ACOT2: variants seen among roughly 807,000 people sequenced by gnomAD.
ACOT2 encodes acyl-CoA thioesterase 2.
A neutral mutation model predicts 20.1 loss-of-function variants in ACOT2; 15 were observed. That is an observed-to-expected ratio of 0.75 (90% CI 0.50 to 1.15). The LOEUF (loss-of-function observed/expected upper bound fraction) is 1.15. Among genes scored for constraint, ACOT2 ranks in the 50% most tolerant of loss-of-function variants. ACOT2 has a pLI of 0.00. For missense variants in ACOT2, 479 were observed against 615.3 expected, an observed-to-expected ratio of 0.78 and a Z score of 2.34; for synonymous variants, 252 against 268.4, an observed-to-expected ratio of 0.94 and a Z score of 0.60.
In ACOT2 at chr14:73,569,543, C is replaced by G. The variant is rs745305997; in HGVS notation, c.303C>G (p.Arg101=). 6.2e-7 allele frequency: 1 copy of G among 1,605,028 alleles called. No homozygotes were observed. Among genetic ancestry groups the G allele is most frequent in the Non-Finnish European group, 8.5e-7 (1 of 1,176,470 alleles). ...EQPVTLRASL[R]DEKGALFQAH... ...CGGTCACGCTGCGCGCGTCCCTGCG[C>G]GACGAGAAGGGCGCGCTTTTCCAGG... The change falls in exon 1 of 3, where the codon CGC becomes CGG. Residue 101 remains arginine (R), a synonymous_variant. Coordinates refer to ENST00000238651, the MANE Select transcript of ACOT2 (RefSeq NM_006821.6).
rs1433985776 is a variant in ACOT2 at position 73,569,442 on chromosome 14, A to G, written c.202A>G (p.Ile68Val). ...RVPARMAATL[I>V]LEPAGRCCWD... ...TCCTGCTCGGATGGCGGCGACGCTG[A>G]TCCTGGAGCCTGCGGGCCGCTGCTG... The change falls in exon 1 of 3, where the codon ATC (isoleucine) becomes GTC (valine). Residue 68 changes from isoleucine to valine, a missense_variant. Around this residue, in one of 4 missense-constraint regions of ACOT2, gnomAD observed 400 missense variants for 395.5 expected, o/e 1.01. Transcript: ENST00000238651. 3 of 1,613,762 alleles carry G rather than the reference A, an allele frequency of 1.9e-6. No individual in the cohort carries two copies. The African/African-American group carries it at 4.0e-5, about 22-fold the overall frequency.
At chr14:73,572,566 C>T (rs1284348788) in intron 1 of ACOT2, among the ~76,000 whole-genome samples, 1 of 147,800 alleles carries the variant, frequency 6.8e-6, no homozygotes, top group African/African-American at 2.5e-5. Context: ...GCACAGGGGT[C>T]TGTGGGACGT....
rs1889656783 is a variant in ACOT2, at chr14:73,569,263, C to T, written c.23C>T (p.Pro8Leu). ...AGGATGTCTAACAAGCTTCTTTCTC[C>T]CCACCCCCATTCAGTTGTTCTCAGG... The part of the protein sequence containing the change: MSNKLLS[P>L]HPHSVVLRSE... The change falls in exon 1 of 3, where the codon CCC becomes CTC. Residue 8 changes from proline to leucine, a missense_variant. Physicochemically the swap from Pro to Leu is moderately conservative, Grantham distance 98. Transcript: ENST00000238651. 1.2e-6 allele frequency: 2 copies of T among 1,613,862 alleles called. No individual in the cohort carries two copies. Among genetic ancestry groups the T allele is most frequent in the East Asian group, 4.5e-5 (2 of 44,890 alleles).
rs1785898851 is a variant in ACOT2, at chr14:73,575,479, G to A, written c.1418G>A (p.Gly473Asp). 6.7e-7 allele frequency: 1 copy of A among 1,498,960 alleles called. No homozygotes were observed. Among genetic ancestry groups the A allele is most frequent in the Non-Finnish European group, 8.9e-7 (1 of 1,127,438 alleles). The allele number at this position is 1,498,960 out of a possible 1,614,324, so 92.9% of individuals were successfully genotyped here. ...CAGACTTTCTTCCACAAACACTTGG[G>A]TGGCCACGAGGGGACAATCCCATCA... is the stretch of plus-strand genomic sequence containing the variant. ...QLQTFFHKHL[G>D]GHEGTIPSKV Residue 473 changes from glycine (G) to aspartate (D), a missense_variant, in exon 3 of 3, where the codon GGT becomes GAT. This residue lies in a region of ACOT2 where 40 missense variants were observed against 93.4 expected (regional missense o/e 0.43). Transcript: ENST00000238651.
rs960121671 is a variant in ACOT2, at chr14:73,575,652, G to A, written c.*139G>A. The stretch of plus-strand genomic sequence containing the variant: ...CCTCATTATTAAAATGAATTTACCA[G>A]TAAGAATGAGTTTTTAAGATTTTTA... On this transcript the variant is annotated 3_prime_UTR_variant, in exon 3 of 3. Coordinates refer to ENST00000238651, the MANE Select transcript of ACOT2 (RefSeq NM_006821.6). 3 of 1,438,474 alleles carry A rather than the reference G, an allele frequency of 2.1e-6. No individual in the cohort carries two copies. Among genetic ancestry groups the A allele is most frequent in the African/African-American group, 2.9e-5 (2 of 69,004 alleles). 89.1% of individuals were successfully genotyped at this position (1,438,474 alleles called of 1,614,324 possible). A position where few individuals can be genotyped will look rare whatever the true frequency, so the allele number is the denominator to read the frequency against.
At chr14:73,570,903 TAAAAA>T (rs56094300) in intron 1 of ACOT2, among the ~76,000 whole-genome samples, 4 of 137,458 alleles carry the variant, frequency 2.9e-5, no homozygotes, top group African/African-American at 8.1e-5. Context: ...GACTCTATCT[TAAAAA>T]AAAAAAAAAA....
intron 1 of ACOT2, 84 bp downstream of exon 1, chr14:73,569,967 T>C (rs1889687581): frequency 6.8e-7 from 1 of 1,469,312 alleles, no homozygotes; most frequent in East Asian, 2.5e-5. Context: ...CGCTTATGTG[T>C]ATGCCCCCCC....
At chr14:73,573,858 T>C (rs10140438) in intron 2 of ACOT2, among the ~76,000 whole-genome samples, 123,944 of 151,830 alleles carry the variant, frequency 0.82, 51,430 homozygotes, top group African/African-American at 0.95. Flanking sequence ...TCCCGAGTAG[T>C]TGGGATTACA....
At chr14:73,570,975 AC>A (rs143643216) in intron 1 of ACOT2, among the ~76,000 whole-genome samples, 43,459 of 136,396 alleles carry the variant, frequency 0.32, 6,674 homozygotes, top group African/African-American at 0.37. Flanking sequence ...CTAGGAAGCC[AC>A]TTTTTTTTTT....
chr14:73,574,481 T>A (rs1296703917), intron 2 of ACOT2: 1 of 318,938 alleles, frequency 3.1e-6, no homozygotes, highest in Admixed American at 4.8e-5. Context: ...CAGACTGATC[T>A]CAAACTCCTG....
chr14:73,572,136 T>C (rs1318852372), intron 1 of ACOT2, among the ~76,000 whole-genome samples: 1 of 106,402 alleles, frequency 9.4e-6, no homozygotes, highest in Non-Finnish European at 1.8e-5. Flanking sequence ...GTTATTCTAC[T>C]TGTACATGTG....
At chr14:73,572,612 TAA>T (rs1455844371) in intron 1 of ACOT2, among the ~76,000 whole-genome samples, 2 of 136,658 alleles carry the variant, frequency 1.5e-5, no homozygotes, top group Non-Finnish European at 3.1e-5. Context: ...AACTATGTCT[TAA>T]AAGTGTTGCC....
At chr14:73,571,595 T>C (rs1889751657) in intron 1 of ACOT2, 1 of 151,200 alleles carries the variant, frequency 6.6e-6, no homozygotes, top group Non-Finnish European at 1.5e-5. Context: ...CAGTGTCACA[T>C]GCAGCTCCCT....
intron 1 of ACOT2, among the ~76,000 whole-genome samples, chr14:73,570,110 CTTTT>C (rs60839743): frequency 7.1e-5 from 10 of 140,648 alleles, no homozygotes; most frequent in Admixed American, 4.9e-4. Context: ...GGGAGTTACA[CTTTT>C]TTTTTTTTTC....
At chr14:73,571,702 C>G (rs1370966614) in intron 1 of ACOT2, 1 of 151,822 alleles carries the variant, frequency 6.6e-6, no homozygotes, top group Non-Finnish European at 1.5e-5. Flanking sequence ...CTCATCGCTG[C>G]CGGGGCACTG....
chr14:73,572,770 C>T (rs1200301998), intron 1 of ACOT2, among the ~76,000 whole-genome samples: 28 of 149,488 alleles, frequency 1.9e-4, no homozygotes, highest in Admixed American at 2.7e-4. Flanking sequence ...CTCAGCCTCC[C>T]GAGTAGCTGG....
At chr14:73,568,964 G>A, upstream of ACOT2, 3 of 493,620 alleles carry the variant, frequency 6.1e-6, no homozygotes, top group South Asian at 8.7e-5. Context: ...ATTCCTCTTC[G>A]CCATCAGGAG....
chr14:73,572,288 A>G (rs1171720100), intron 1 of ACOT2, among the ~76,000 whole-genome samples: 1 of 150,826 alleles, frequency 6.6e-6, no homozygotes, highest in Non-Finnish European at 1.5e-5. Flanking sequence ...CCAGCAGTCA[A>G]AGTGATTGAA....
intron 1 of ACOT2, 73 bp from the exon 2 acceptor site, chr14:73,573,315 A>G (rs1222779651): frequency 6.9e-6 from 11 of 1,601,026 alleles, no homozygotes; most frequent in Middle Eastern, 1.7e-4. Context: ...TGTGGTAAGT[A>G]TATGTTTAAC....
Sources: gnomAD v4.1 joint callset for allele counts (sites outside exome capture counted in the v4.1 genomes callset) on GRCh38, gnomAD v4.1.1 for gene constraint, gnomAD v4.1.1 regional missense constraint, MANE v1.5 for transcripts, NCBI Gene and HGNC (gene_info 2026-07-23, HGNC 2026-07-21) for gene names.